The following RARB variants were observed in gnomAD, a reference collection of about 807,000 sequenced individuals.
RARB encodes retinoic acid receptor beta.
In RARB, 17 loss-of-function variants were observed where a neutral mutation model predicts 51.9. The observed-to-expected ratio is 0.33, with a 90% CI of 0.22 to 0.49. RARB has a LOEUF of 0.49. RARB is among the 20% of genes least tolerant of loss of function. The pLI is 0.99. For synonymous variants in RARB, 215 were observed against 195.4 expected, an observed-to-expected ratio of 1.10 and a Z score of -0.84; for missense variants, 369 against 550.8, an observed-to-expected ratio of 0.67 and a Z score of 3.30.
intron 2 of RARB, among the ~76,000 whole-genome samples, chr3:25,005,078 G>T (rs79695663): frequency 0.055 from 8,430 of 152,096 alleles, 254 homozygotes; most frequent in East Asian, 0.13. Context: ...CTAGTGGTTT[G>T]AGTGGTTAGA....
At chr3:24,890,887 C>T (rs1051067230) in intron 2 of RARB, among the ~76,000 whole-genome samples, 4 of 152,108 alleles carry the variant, frequency 2.6e-5, no homozygotes, top group Non-Finnish European at 4.4e-5. Context: ...CATTTACCAG[C>T]TGTGTGATCT....
At chr3:24,836,173 T>G (rs139013347) in intron 1 of RARB, among the ~76,000 whole-genome samples, 1 of 152,184 alleles carries the variant, frequency 6.6e-6, no homozygotes, top group African/African-American at 2.4e-5. Flanking sequence ...GTAAAGGAAA[T>G]GAACCTTGAC....
intron 2 of RARB, among the ~76,000 whole-genome samples, chr3:25,016,026 T>A (rs1156580356): frequency 3.3e-5 from 5 of 152,190 alleles, no homozygotes; most frequent in African/African-American, 1.2e-4. Context: ...TTTCATAAGG[T>A]CTTCAGGTCT....
At chr3:25,507,736 G>A (rs368644587) in intron 3 of RARB, among the ~76,000 whole-genome samples, 46 of 152,298 alleles carry the variant, frequency 3.0e-4, no homozygotes, top group African/African-American at 1.1e-3. Flanking sequence ...AGGGATAGGG[G>A]AGACACTGGG....
intron 1 of RARB, among the ~76,000 whole-genome samples, chr3:25,445,695 G>A (rs1708900170): frequency 6.6e-6 from 1 of 151,996 alleles, no homozygotes; most frequent in South Asian, 2.1e-4. Flanking sequence ...ATATCAGAGA[G>A]CAATAATAAT....
intron 5 of RARB, among the ~76,000 whole-genome samples, chr3:25,298,377 T>A (rs1431014161): frequency 6.6e-6 from 1 of 152,068 alleles, no homozygotes; most frequent in Non-Finnish European, 1.5e-5. Context: ...AGATGGGGTT[T>A]CACTGTGTTG....
chr3:24,847,465 A>G (rs1702499083), intron 1 of RARB, among the ~76,000 whole-genome samples: 1 of 152,222 alleles, frequency 6.6e-6, no homozygotes, highest in South Asian at 2.1e-4. Context: ...TTATGTGAAG[A>G]CCACATAAAA....
At chr3:25,235,098 T>C (rs893494129) in intron 5 of RARB, among the ~76,000 whole-genome samples, 2 of 152,192 alleles carry the variant, frequency 1.3e-5, no homozygotes, top group African/African-American at 4.8e-5. Context: ...ACTACATTGT[T>C]CTCCAGCACA....
chr3:25,143,372 TC>T (rs1355621235), intron 4 of RARB, among the ~76,000 whole-genome samples: 1 of 152,122 alleles, frequency 6.6e-6, no homozygotes, highest in Non-Finnish European at 1.5e-5. Context: ...CTGCTGTTTT[TC>T]CCAAAAAACC....
intron 5 of RARB, among the ~76,000 whole-genome samples, chr3:25,420,376 A>G (rs1403478290): frequency 1.3e-5 from 2 of 152,214 alleles, no homozygotes; most frequent in African/African-American, 4.8e-5. Flanking sequence ...TCAGAGTCAG[A>G]AACTTTTGTG....
chr3:25,403,978 T>A (rs954378171), intron 5 of RARB, among the ~76,000 whole-genome samples: 1 of 151,630 alleles, frequency 6.6e-6, no homozygotes, highest in African/African-American at 2.4e-5. Flanking sequence ...TTACTGAATA[T>A]TTCAGGATTT....
At chr3:25,375,647 A>G (rs1201037681) in intron 5 of RARB, among the ~76,000 whole-genome samples, 3 of 152,202 alleles carry the variant, frequency 2.0e-5, no homozygotes, top group African/African-American at 7.2e-5. Context: ...TGAGGGGTCT[A>G]CGTTTCCATA....
chr3:25,120,528 T>C (rs1699766077), intron 3 of RARB, among the ~76,000 whole-genome samples: 1 of 7,754 alleles, frequency 1.3e-4, no homozygotes, highest in Non-Finnish European at 5.1e-4. Context: ...TATATAAAAA[T>C]CTCTCTCTCT....
chr3:25,411,635 GACACTCAA>G (rs1359578185), intron 5 of RARB, among the ~76,000 whole-genome samples: 1 of 152,176 alleles, frequency 6.6e-6, no homozygotes, highest in African/African-American at 2.4e-5. Context: ...ATATCTCCCA[GACACTCAA>G]ATCGCCCGAG....
At chr3:25,128,815 T>G (rs1699900463) in intron 3 of RARB, among the ~76,000 whole-genome samples, 1 of 151,956 alleles carries the variant, frequency 6.6e-6, no homozygotes, top group African/African-American at 2.4e-5. Flanking sequence ...GAGGAAATTT[T>G]AAGGAAGAGA....
chr3:24,987,246 TG>T (rs1696813658), intron 2 of RARB, among the ~76,000 whole-genome samples: 3 of 40,900 alleles, frequency 7.3e-5, no homozygotes, highest in African/African-American at 3.2e-4. Flanking sequence ...AATCAACATC[TG>T]TTTTTTTTTT....
chr3:25,112,782 A>AG (rs1297678162), intron 3 of RARB, among the ~76,000 whole-genome samples: 1 of 152,182 alleles, frequency 6.6e-6, no homozygotes, highest in African/African-American at 2.4e-5. Flanking sequence ...TGTCTAAAAA[A>AG]GGGAAAAAAA....
At chr3:25,157,901 C>T (rs1196692200) in intron 4 of RARB, among the ~76,000 whole-genome samples, 1 of 140,208 alleles carries the variant, frequency 7.1e-6, no homozygotes, top group East Asian at 2.2e-4. Context: ...ATGTGCTGAC[C>T]AACTTTAAAT....
At chr3:24,993,574 A>G (rs974137469) in intron 2 of RARB, among the ~76,000 whole-genome samples, 1 of 152,132 alleles carries the variant, frequency 6.6e-6, no homozygotes, top group Non-Finnish European at 1.5e-5. Flanking sequence ...ATTATTAACT[A>G]TAGTCTTCTT....
Sources: gnomAD v4.1 joint callset for allele counts (sites outside exome capture counted in the v4.1 genomes callset) on GRCh38, gnomAD v4.1.1 for gene constraint, MANE v1.5 for transcripts, NCBI Gene and HGNC (gene_info 2026-07-23, HGNC 2026-07-21) for gene names.